The following KDM5C variants were observed in gnomAD, a reference collection of about 807,000 sequenced individuals.
The protein encoded by KDM5C is lysine-specific demethylase 5C.
Under a neutral mutation model 110.6 loss-of-function variants are expected in KDM5C, and 16 were observed. The ratio of observed to expected loss-of-function variants is 0.14; its 90% CI spans 0.10 to 0.22. KDM5C has a LOEUF of 0.22. Among genes scored for constraint, KDM5C ranks in the 10% least tolerant of loss-of-function variants. The probability of loss-of-function intolerance (pLI) is 1.00; values close to 1 mark genes in which losing one functional copy is unlikely to be tolerated. For missense variants in KDM5C, 681 were observed against 1,300.9 expected (o/e 0.52, Z 7.33); for synonymous variants, 511 against 520.4 (o/e 0.98, Z 0.24).
At chrX:53,209,867 A>T (rs2073506125) in intron 12 of KDM5C, among the ~76,000 whole-genome samples, 1 of 112,547 alleles carries the variant, frequency 8.9e-6, no homozygotes, top group African/African-American at 3.2e-5. Flanking sequence ...TTGACCTGTT[A>T]AATAAAAAGA....
chrX:53,223,277 T>C (rs367904471), intron 1 of KDM5C, among the ~76,000 whole-genome samples: 7 of 111,815 alleles, frequency 6.3e-5, no homozygotes, highest in African/African-American at 2.3e-4. Flanking sequence ...TCCTTGAGGC[T>C]GCCCAGGACT....
At chrX:53,223,229 T>G (rs879999684) in intron 1 of KDM5C, among the ~76,000 whole-genome samples, 2 of 111,398 alleles carry the variant, frequency 1.8e-5, no homozygotes, top group Admixed American at 9.5e-5. Flanking sequence ...CTATGCCTCT[T>G]TTTCCCACAG....
chrX:53,202,946 A>G (rs1024887942), intron 12 of KDM5C, among the ~76,000 whole-genome samples: 1 of 109,534 alleles, frequency 9.1e-6, no homozygotes, highest in Non-Finnish European at 1.9e-5. Flanking sequence ...GCCTCTCCGA[A>G]TAGCTGGGAC....
intron 2 of KDM5C, chrX:53,218,851 G>A (rs1393785532): frequency 7.9e-6 from 2 of 251,818 alleles, no homozygotes; most frequent in African/African-American, 5.7e-5. Flanking sequence ...TGGGATCACA[G>A]GCACAAGCCA....
In KDM5C at chrX:53,181,123, T is replaced by TTA. The variant is rs201898587; in HGVS notation, c.4309-4503_4309-4502dup. Among the ~76,000 whole-genome samples the TTA allele has an allele frequency of 1.2e-4, 13 of 108,433 alleles. No individual in the cohort carries two copies. In the East Asian group the frequency reaches 1.7e-3, roughly 14 times the overall value. The allele number at this position is 108,433 out of a possible 115,157, so 94.2% of individuals were successfully genotyped here. A position where few individuals can be genotyped will look rare whatever the true frequency, so the allele number is the denominator to read the frequency against. On this transcript the variant is annotated intron_variant, in intron 25 of 25. Coordinates refer to the KDM5C transcript ENST00000685641. ...GTGAGCCACCACGCCTAGCCTATAT[T>TTA]TATATATATATATTTTTTTTTGTTT... is the stretch of plus-strand genomic sequence containing the variant.
chrX:53,192,754 G>C lies in KDM5C; in HGVS notation c.*213C>G. 2 of 1,163,228 alleles carry C rather than the reference G, an allele frequency of 1.7e-6. No individual in the cohort carries two copies. Among genetic ancestry groups the C allele is most frequent in the Non-Finnish European group, 2.3e-6 (2 of 871,241 alleles). The stretch of plus-strand genomic sequence containing the variant: ...AATGCTGGTTAGAGGCTACCAGGGA[G>C]GGAAGACTCCAGGGGCCGGCCCCCA... On this transcript the variant is annotated 3_prime_UTR_variant, in exon 26 of 26. Coordinates refer to ENST00000375401, the MANE Select transcript of KDM5C (RefSeq NM_004187.5).
At chrX:53,220,693 G>A in intron 2 of KDM5C, 146 bp downstream of exon 2, 1 of 540,244 alleles carries the variant, frequency 1.9e-6, no homozygotes, top group East Asian at 3.6e-5. Flanking sequence ...CACGCCCTGG[G>A]CACACTAAAG....
rs1311353693 is a variant in KDM5C at position 53,218,269 on chromosome X, T to C, written c.351+7A>G. 4.1e-6 allele frequency: 5 copies of C among 1,209,632 alleles called. No individual in the cohort carries two copies. The East Asian group carries it at 8.9e-5, about 22-fold the overall frequency. On this transcript the variant is annotated splice_region_variant and intron_variant, in intron 3 of 25. Transcript: ENST00000375401. ...GGGAGGGGTGCTTGACAAAAACCTGTTCTTACTTTGCTGAGACTGTAGAGG... is the reference window on the plus strand; with the variant it reads ...GGGAGGGGTGCTTGACAAAAACCTGCTCTTACTTTGCTGAGACTGTAGAGG...
chrX:53,221,680 T>C (rs1556854770), intron 1 of KDM5C: 2 of 906,753 alleles, frequency 2.2e-6, no homozygotes, highest in Admixed American at 6.1e-5. Context: ...AGTATGTGTA[T>C]CACTCACCCA....
At chrX:53,195,505 T>A (rs1934773290) in intron 20 of KDM5C, 95 bp from the exon 21 acceptor site, 1 of 885,156 alleles carries the variant, frequency 1.1e-6, no homozygotes, top group Admixed American at 2.6e-5. Context: ...TGAACTGGGC[T>A]CAGTCTTGAG....
intron 1 of KDM5C, chrX:53,221,713 CCT>C: frequency 5.1e-6 from 5 of 979,158 alleles, no homozygotes; most frequent in Non-Finnish European, 5.3e-6. Context: ...TCCTGTAGAT[CCT>C]CTCTCATACA....
At position 53,199,110 on chromosome X, in the gene KDM5C, C is replaced by T. The variant is rs2073061870; in HGVS notation, c.2110G>A (p.Glu704Lys). 1 of 1,210,526 alleles carries T rather than the reference C, an allele frequency of 8.3e-7. No individual in the cohort carries two copies. The highest frequency in any genetic ancestry group is 1.7e-5 in the African/African-American group (1 of 57,341). Reference protein sequence around the residue: ...REAFELLPDDERQCIKCKTTC... With the variant: ...REAFELLPDDKRQCIKCKTTC... Reference sequence around the variant, plus strand: ...GTCTTGCACTTGATACACTGGCGCTCATCATCTGGGAGCAGCTCGAAAGCC... The same window carrying T: ...GTCTTGCACTTGATACACTGGCGCTTATCATCTGGGAGCAGCTCGAAAGCC... The change falls in exon 15 of 26, where the codon GAG (glutamate) becomes AAG (lysine). Residue 704 changes from glutamate (E) to lysine (K), a missense_variant. By Grantham distance (56) the Glu-to-Lys change is moderately conservative. Transcript: ENST00000375401.
chrX:53,221,765 G>A lies in KDM5C; in HGVS notation c.151-849C>T, dbSNP rs1355310838. 3 of 976,500 alleles carry A rather than the reference G, an allele frequency of 3.1e-6. No homozygotes were observed. The African/African-American group carries it at 6.0e-5, about 20-fold the overall frequency. The allele number at this position is 976,500 out of a possible 1,213,427, so 80.5% of individuals were successfully genotyped here. A position where few individuals can be genotyped will look rare whatever the true frequency, so the allele number is the denominator to read the frequency against. ...GAAGAGGCAGGGGAGGAAGCCCCAG[G>A]GGGTGGGGGTAAGTGCTGGGATGCC... On this transcript the variant is annotated intron_variant, in intron 1 of 25. Transcript: ENST00000375401.
chrX:53,208,678 T>G (rs1556847216), intron 12 of KDM5C, among the ~76,000 whole-genome samples: 1 of 105,525 alleles, frequency 9.5e-6, no homozygotes, highest in African/African-American at 3.4e-5. Context: ...GCTAATTCTG[T>G]ATTTTTATTA....
chrX:53,197,626 G>A, intron 18 of KDM5C, 145 bp downstream of exon 18: 3 of 517,278 alleles, frequency 5.8e-6, no homozygotes, highest in Non-Finnish European at 1.0e-5. Context: ...CTAGACCCTT[G>A]CCTCACCCCT....
At chrX:53,177,447 A>AAT (rs1486984603) in intron 25 of KDM5C, among the ~76,000 whole-genome samples, 1 of 112,839 alleles carries the variant, frequency 8.9e-6, no homozygotes, top group Non-Finnish European at 1.9e-5. Context: ...GGAACATCTG[A>AAT]ATATAATGAC....
chrX:53,198,532 C>T lies in KDM5C; in HGVS notation c.2474G>A (p.Cys825Tyr). ...GACCAGTCCCAGAGCTCGGGACACG[C>T]AAGCCTCTGCCTCACTCAGGCAGTT... ...LKNCLSEAEA[C>Y]VSRALGLVSG... The change falls in exon 17 of 26, where the codon TGC becomes TAC. Residue 825 changes from cysteine (C) to tyrosine (Y), a missense_variant. Coordinates refer to ENST00000375401, the MANE Select transcript of KDM5C (RefSeq NM_004187.5). The T allele has an allele frequency of 8.3e-7, 1 of 1,208,488 alleles. No homozygotes were observed. Among genetic ancestry groups the T allele is most frequent in the East Asian group, 3.0e-5 (1 of 33,767 alleles).
Position 53,215,943 on chromosome X carries a change from A to T in KDM5C, c.815T>A (p.Val272Glu). The change falls in exon 7 of 26, where the codon GTG becomes GAG. Residue 272 changes from valine to glutamate, a missense_variant. By Grantham distance (121) the Val-to-Glu change is moderately radical. Around this residue, in one of 14 missense-constraint regions of KDM5C, gnomAD observed 71 missense variants for 115.0 expected, o/e 0.62. Transcript: ENST00000375401. ...ATCCCCACCTAACTCCTCCTTCACC[A>T]CTACTGTGGGGGGACACTCAGGCCC... ...KEGPECPPTV[V>E]VKEELGGDVK... 1 of 1,211,731 alleles carries T rather than the reference A, an allele frequency of 8.3e-7. No individual in the cohort carries two copies. Among genetic ancestry groups the T allele is most frequent in the Non-Finnish European group, 1.1e-6 (1 of 895,438 alleles).
At chrX:53,200,571 C>A (rs2073109186) in intron 14 of KDM5C, among the ~76,000 whole-genome samples, 1 of 111,705 alleles carries the variant, frequency 9.0e-6, no homozygotes, top group Non-Finnish European at 1.9e-5. Flanking sequence ...AGGGACTCAA[C>A]AACTTACACC....
Sources: allele counts gnomAD v4.1 joint callset (sites outside exome capture counted in the v4.1 genomes callset), GRCh38; gene constraint gnomAD v4.1.1; regional missense constraint gnomAD v4.1.1; transcripts MANE v1.5; gene names NCBI Gene and HGNC (gene_info 2026-07-23, HGNC 2026-07-21).